The following EPHA6 variants were observed in gnomAD, a reference collection of about 807,000 sequenced individuals.
The protein encoded by EPHA6 is EPH receptor A6.
EPHA6 carries 50 observed loss-of-function variants against 112.0 expected under a neutral mutation model. That is an observed-to-expected ratio of 0.45 (90% confidence interval 0.36 to 0.56). The LOEUF (loss-of-function observed/expected upper bound fraction) is 0.56, where lower values mean the gene tolerates loss of function less well. EPHA6 is among the 20% of genes least tolerant of loss of function. EPHA6 has a pLI of 0.00. For synonymous variants in EPHA6, 529 were observed against 490.7 expected (o/e 1.08, Z -1.03); for missense variants, 1,280 against 1,417.4 (o/e 0.90, Z 1.56).
At chr3:97,458,590 C>T (rs116773571) in intron 7 of EPHA6, among the ~76,000 whole-genome samples, 3,074 of 151,834 alleles carry the variant, frequency 0.02, 100 homozygotes, top group African/African-American at 0.068. Flanking sequence ...TACATATATT[C>T]CACATTCATA....
intron 5 of EPHA6, among the ~76,000 whole-genome samples, chr3:97,321,029 T>C (rs1239826355): frequency 6.6e-6 from 1 of 151,948 alleles, no homozygotes; most frequent in Non-Finnish European, 1.5e-5. Context: ...CTATTGATTT[T>C]TTTCTGTCTT....
chr3:97,176,675 T>C (rs1185564414), intron 3 of EPHA6, among the ~76,000 whole-genome samples: 1 of 151,984 alleles, frequency 6.6e-6, no homozygotes, highest in Admixed American at 6.6e-5. Flanking sequence ...TTCAATTTAT[T>C]GGCATATAGT....
chr3:96,957,141 C>G (rs891553619), intron 2 of EPHA6, among the ~76,000 whole-genome samples: 1 of 151,768 alleles, frequency 6.6e-6, no homozygotes, highest in Non-Finnish European at 1.5e-5. Flanking sequence ...CAGGAATGTG[C>G]TGAGTGATTC....
intron 2 of EPHA6, among the ~76,000 whole-genome samples, chr3:96,902,130 A>G (rs545134172): frequency 2.0e-5 from 3 of 152,306 alleles, no homozygotes; most frequent in Admixed American, 6.5e-5. Context: ...GGAAAGGACA[A>G]GGACGATGGA....
At chr3:97,502,263 G>A (rs1056071088) in intron 10 of EPHA6, among the ~76,000 whole-genome samples, 1 of 148,170 alleles carries the variant, frequency 6.7e-6, no homozygotes, top group Non-Finnish European at 1.5e-5. Flanking sequence ...CTGCCTCCTA[G>A]GTTCAAGTGT....
chr3:97,641,492 C>G (rs964880146), intron 14 of EPHA6, among the ~76,000 whole-genome samples: 9 of 152,294 alleles, frequency 5.9e-5, no homozygotes, highest in Admixed American at 5.9e-4. Flanking sequence ...GTGAGCGACG[C>G]AGAAGACGGG....
intron 5 of EPHA6, among the ~76,000 whole-genome samples, chr3:97,396,548 T>C (rs1055583527): frequency 6.6e-6 from 1 of 151,610 alleles, no homozygotes; most frequent in Non-Finnish European, 1.5e-5. Context: ...GTTTTGAACA[T>C]AGATTTTAAT....
intron 4 of EPHA6, among the ~76,000 whole-genome samples, chr3:97,227,575 G>A (rs952668943): frequency 6.6e-5 from 10 of 152,132 alleles, no homozygotes; most frequent in African/African-American, 2.2e-4. Flanking sequence ...CTGCAGGCTG[G>A]GAAATATAGC....
intron 3 of EPHA6, among the ~76,000 whole-genome samples, chr3:97,119,724 G>A (rs1234190821): frequency 6.6e-6 from 1 of 151,972 alleles, no homozygotes; most frequent in Non-Finnish European, 1.5e-5. Flanking sequence ...GGAAAAGGCA[G>A]GCAAAGAATG....
chr3:97,147,051 G>A (rs889533458), intron 3 of EPHA6, among the ~76,000 whole-genome samples: 2 of 151,866 alleles, frequency 1.3e-5, no homozygotes, highest in South Asian at 2.1e-4. Context: ...GGCAAAGCAC[G>A]CTGGCATCAT....
chr3:97,534,293 C>T (rs909045127), intron 11 of EPHA6, among the ~76,000 whole-genome samples: 2 of 151,972 alleles, frequency 1.3e-5, no homozygotes, highest in Admixed American at 6.6e-5. Flanking sequence ...TATACGTTAC[C>T]ATTTCATTCT....
intron 5 of EPHA6, among the ~76,000 whole-genome samples, chr3:97,324,405 T>TTTTCTTTTTCTTTCTTTCTTTC (rs1461599434): frequency 9.6e-6 from 1 of 104,492 alleles, no homozygotes; most frequent in Non-Finnish European, 1.9e-5. Flanking sequence ...GCTTTCCTTC[T>TTTTCTTTTTCTTTCTTTCTTTC]TTTCTTTCTT....
chr3:97,349,125 T>A (rs2083677384), intron 5 of EPHA6, among the ~76,000 whole-genome samples: 1 of 152,110 alleles, frequency 6.6e-6, no homozygotes, highest in African/African-American at 2.4e-5. Context: ...TTAAAATTTA[T>A]CTGGTATCAA....
chr3:97,578,827 A>G (rs1056542419), intron 11 of EPHA6, among the ~76,000 whole-genome samples: 2 of 152,242 alleles, frequency 1.3e-5, no homozygotes, highest in African/African-American at 2.4e-5. Context: ...CTGAATTTTT[A>G]TAACAGTCTT....
intron 3 of EPHA6, among the ~76,000 whole-genome samples, chr3:97,167,758 C>T (rs765975868): frequency 5.3e-5 from 8 of 151,888 alleles, no homozygotes; most frequent in South Asian, 4.2e-4. Context: ...TTTTATATAG[C>T]GTATTTAAAA....
chr3:96,990,448 G>A (rs921009145), intron 3 of EPHA6, among the ~76,000 whole-genome samples: 2 of 152,072 alleles, frequency 1.3e-5, no homozygotes, highest in African/African-American at 2.4e-5. Context: ...GTAGTGGATG[G>A]CAGAAATTGG....
intron 2 of EPHA6, among the ~76,000 whole-genome samples, chr3:96,937,889 G>C (rs1427084551): frequency 6.6e-6 from 1 of 152,054 alleles, no homozygotes; most frequent in Non-Finnish European, 1.5e-5. Context: ...GCTTATTTTT[G>C]TCAGGTTTGT....
chr3:97,548,106 T>C (rs1039298400), intron 11 of EPHA6, among the ~76,000 whole-genome samples: 2 of 152,232 alleles, frequency 1.3e-5, no homozygotes, highest in African/African-American at 4.8e-5. Flanking sequence ...CCCAGTGAGA[T>C]GAACCCGGTT....
intron 2 of EPHA6, among the ~76,000 whole-genome samples, chr3:96,984,910 T>C (rs2042959311): frequency 6.6e-6 from 1 of 152,208 alleles, no homozygotes; most frequent in Admixed American, 6.5e-5. Flanking sequence ...AGCACAGTAT[T>C]AGGGTGGGAG....
Sources: gnomAD v4.1 joint callset for allele counts (sites outside exome capture counted in the v4.1 genomes callset) on GRCh38, gnomAD v4.1.1 for gene constraint, MANE v1.5 for transcripts, NCBI Gene and HGNC (gene_info 2026-07-23, HGNC 2026-07-21) for gene names.